CPAMD8: variants seen among roughly 807,000 people sequenced by gnomAD.
The protein encoded by CPAMD8 is C3 and PZP-like alpha-2-macroglobulin domain-containing protein 8.
In CPAMD8, 146 loss-of-function variants were observed where a neutral mutation model predicts 224.7. That is an observed-to-expected ratio of 0.65 (90% CI 0.57 to 0.75). The LOEUF (loss-of-function observed/expected upper bound fraction) is 0.75, where lower values mean the gene tolerates loss of function less well. CPAMD8 is among the 30% of genes least tolerant of loss of function. The pLI is 0.00. For synonymous variants in CPAMD8, 966 were observed against 1,044.6 expected (o/e 0.92, Z 1.45); for missense variants, 2,301 against 2,537.5 (o/e 0.91, Z 2.00).
In CPAMD8 at chr19:16,977,477, G is replaced by A. The variant is rs774282600; in HGVS notation, c.1649C>T (p.Thr550Ile). 7 of 1,611,772 alleles carry A rather than the reference G, an allele frequency of 4.3e-6. No homozygotes were observed. Among genetic ancestry groups the A allele is most frequent in the Non-Finnish European group, 5.1e-6 (6 of 1,178,740 alleles). Residue 550 changes from threonine to isoleucine, a missense_variant, in exon 15 of 42, where the codon ACC becomes ATC. By Grantham distance (89) the Thr-to-Ile change is moderately conservative. Transcript: ENST00000443236. Reference sequence around the variant, plus strand: ...GCGACCAAGGGGGACCATGCTGGGGGTCACGGCCAGATGAAGAGAGGTCAC... The same window carrying A: ...GCGACCAAGGGGGACCATGCTGGGGATCACGGCCAGATGAAGAGAGGTCAC... ...VCVTSLHLAV[T>I]PSMVPLGRLL...
chr19:16,951,861 TA>T (rs1306615901), intron 20 of CPAMD8, 107 bp downstream of exon 20: 2 of 729,376 alleles, frequency 2.7e-6, no homozygotes, highest in Non-Finnish European at 4.6e-6. Flanking sequence ...CTCGCCCTCC[TA>T]AATCCCCCAA....
intron 41 of CPAMD8, chr19:16,893,832 G>C (rs1005386017): frequency 2.5e-5 from 4 of 158,654 alleles, no homozygotes; most frequent in African/African-American, 9.6e-5. Context: ...ATGTGAGCCC[G>C]AGGTCCCCGG....
At chr19:16,933,228 AACTT>A (rs1248767764) in intron 23 of CPAMD8, among the ~76,000 whole-genome samples, 3 of 152,130 alleles carry the variant, frequency 2.0e-5, no homozygotes, top group Non-Finnish European at 4.4e-5. Context: ...TGTAGTGTAA[AACTT>A]AAAACTACAA....
chr19:16,993,666 C>A, intron 11 of CPAMD8, 80 bp from the exon 12 acceptor site: 2 of 1,286,210 alleles, frequency 1.6e-6, no homozygotes, highest in East Asian at 2.4e-5. Flanking sequence ...ACGCAATCCC[C>A]ACTGGAATCC....
chr19:16,918,641 C>G (rs1026207249), intron 27 of CPAMD8, among the ~76,000 whole-genome samples: 1 of 151,114 alleles, frequency 6.6e-6, no homozygotes, highest in African/African-American at 2.4e-5. Context: ...GAGATGAGGT[C>G]TTGCCATGTT....
rs1484404013 is a variant in CPAMD8, at chr19:16,899,808, G to C, written c.4774-259C>G. Among the ~76,000 whole-genome samples, 1 of 152,046 alleles carries C rather than the reference G, an allele frequency of 6.6e-6. No individual in the cohort carries two copies. The highest frequency in any genetic ancestry group is 1.5e-5 in the Non-Finnish European group (1 of 68,018). Reference sequence around the variant, plus strand: ...TCAACCCAGCCCCAAGCCCAGGTCAGGCTTCTCCGTGGCCAAAGAGGTGCC... The same window carrying C: ...TCAACCCAGCCCCAAGCCCAGGTCACGCTTCTCCGTGGCCAAAGAGGTGCC... On this transcript the variant is annotated intron_variant, in intron 36 of 41. Coordinates refer to ENST00000443236, the MANE Select transcript of CPAMD8 (RefSeq NM_015692.5). The surrounding 1 kb of genome is among the most constrained non-coding windows in gnomAD (Gnocchi z 5.4).
chr19:16,895,927 A>ACGCGCGCG (rs60471698), intron 41 of CPAMD8: 25 of 581,702 alleles, frequency 4.3e-5, no homozygotes, highest in East Asian at 2.4e-4. Flanking sequence ...ACACACACAC[A>ACGCGCGCG]CGCGCGCGTG....
At chr19:17,007,281 C>T (rs961742738) in intron 7 of CPAMD8, among the ~76,000 whole-genome samples, 5 of 151,624 alleles carry the variant, frequency 3.3e-5, no homozygotes, top group Non-Finnish European at 7.4e-5. Flanking sequence ...TGGCAGTGAG[C>T]CGACATCGTG....
chr19:17,000,782 G>C (rs2056285891), intron 9 of CPAMD8, among the ~76,000 whole-genome samples: 1 of 152,212 alleles, frequency 6.6e-6, no homozygotes, highest in South Asian at 2.1e-4. Context: ...CTCTGGAACT[G>C]AGAAGGCTAG....
Position 16,901,261 on chromosome 19 carries a change from C to T in CPAMD8, c.4722G>A (p.Leu1574=). ...LHAGSSNMAV[L]EVPLLSGFRA... is the part of the protein sequence containing the mutation. ...GGAAGCCTGACAGCAGGGGCACCTCCAGGACAGCCATATTGGAAGACCCTG... is the reference window on the plus strand; with the variant it reads ...GGAAGCCTGACAGCAGGGGCACCTCTAGGACAGCCATATTGGAAGACCCTG... Residue 1574 remains leucine, a synonymous_variant, in exon 36 of 42, where the codon CTG becomes CTA. Transcript: ENST00000443236. 6.2e-7 allele frequency: 1 copy of T among 1,612,902 alleles called. No homozygotes were observed. Among genetic ancestry groups the T allele is most frequent in the Non-Finnish European group, 8.5e-7 (1 of 1,179,670 alleles).
intron 36 of CPAMD8, among the ~76,000 whole-genome samples, chr19:16,900,596 A>AAATAAT (rs962384715): frequency 2.2e-3 from 331 of 151,390 alleles, no homozygotes; most frequent in African/African-American, 7.4e-3. Context: ...ACTCCATCTC[A>AAATAAT]AATAATAATA....
In CPAMD8 at chr19:16,914,749, C is replaced by G. The variant is rs1176488493; in HGVS notation, c.3694G>C (p.Glu1232Gln). The G allele has an allele frequency of 6.2e-7, 1 of 1,614,072 alleles. No homozygotes were observed. Among genetic ancestry groups the G allele is most frequent in the Non-Finnish European group, 8.5e-7 (1 of 1,180,002 alleles). Residue 1232 changes from glutamate to glutamine, a missense_variant, in exon 28 of 42, where the codon GAG becomes CAG. Coordinates refer to ENST00000443236, the MANE Select transcript of CPAMD8 (RefSeq NM_015692.5). ...ATCCAGCTCTTGGCGGCAGCCAGCT[C>G]CCGGGGGTCCACGAAGATAAAGCTG... ...ARSFIFVDPR[E>Q]LAAAKSWIIQ...
intron 18 of CPAMD8, among the ~76,000 whole-genome samples, 188 bp downstream of exon 18, chr19:16,970,703 G>A (rs1489018313): frequency 6.6e-6 from 1 of 152,140 alleles, no homozygotes. Context: ...GCCCTCACCA[G>A]ACACCCAATC....
At chr19:16,942,821 G>A (rs2053945633) in intron 22 of CPAMD8, among the ~76,000 whole-genome samples, 1 of 152,178 alleles carries the variant, frequency 6.6e-6, no homozygotes, top group African/African-American at 2.4e-5. Context: ...CTTGGGGCCA[G>A]ATCTCAGAAC....
rs1157664149 is a variant in CPAMD8, at chr19:16,893,362, C to T, written c.5427-23G>A. The stretch of plus-strand genomic sequence containing the variant: ...ACCCTGGAGATGAGGTTTTATCTTA[C>T]AACATCCTCTACAGCAAGTGGGCAC... On this transcript the variant is annotated intron_variant, in intron 41 of 41. Coordinates refer to ENST00000443236, the MANE Select transcript of CPAMD8 (RefSeq NM_015692.5). 3.4e-6 allele frequency: 5 copies of T among 1,462,716 alleles called. No individual in the cohort carries two copies. The South Asian group carries it at 4.9e-5, about 14-fold the overall frequency. The allele number at this position is 1,462,716 out of a possible 1,614,324, so 90.6% of individuals were successfully genotyped here.
chr19:16,995,200 C>A (rs1372825999), intron 11 of CPAMD8, among the ~76,000 whole-genome samples: 3 of 152,150 alleles, frequency 2.0e-5, no homozygotes, highest in Non-Finnish European at 4.4e-5. Flanking sequence ...GGTTCCAAAG[C>A]AGAACAAGAG....
At chr19:16,987,438 A>G (rs553396035) in intron 13 of CPAMD8, among the ~76,000 whole-genome samples, 10 of 151,502 alleles carry the variant, frequency 6.6e-5, no homozygotes, top group Non-Finnish European at 1.5e-4. Context: ...GACCTTTACA[A>G]TGATCCATTC....
intron 27 of CPAMD8, among the ~76,000 whole-genome samples, chr19:16,915,981 C>T (rs2052942714): frequency 6.6e-6 from 1 of 150,640 alleles, no homozygotes; most frequent in African/African-American, 2.4e-5. Flanking sequence ...TTTCTTCTCT[C>T]TCTCTCCCTC....
At position 16,959,627 on chromosome 19, in the gene CPAMD8, G is replaced by A. The variant is rs149624795; in HGVS notation, c.2214-1712C>T. Reference sequence around the variant, plus strand: ...ACAATCTCGGTTCACTGCAGCCTCCGCCTCCCAGGTTCGAGCAATTCTCCT... The same window carrying A: ...ACAATCTCGGTTCACTGCAGCCTCCACCTCCCAGGTTCGAGCAATTCTCCT... On this transcript the variant is annotated intron_variant, in intron 18 of 41. Coordinates refer to ENST00000443236, the MANE Select transcript of CPAMD8 (RefSeq NM_015692.5). 1.8e-3 allele frequency among the ~76,000 whole-genome samples: 264 copies of A among 150,548 alleles called. 2 individuals carry two copies. Among genetic ancestry groups the A allele is most frequent in the Middle Eastern group, 0.017 (5 of 286 alleles).
Sources: allele counts gnomAD v4.1 joint callset (sites outside exome capture counted in the v4.1 genomes callset), GRCh38; gene constraint gnomAD v4.1.1; non-coding constraint Gnocchi (gnomAD v3.1); transcripts MANE v1.5; gene names NCBI Gene and HGNC (gene_info 2026-07-23, HGNC 2026-07-21).